DOCK5: variants seen among roughly 807,000 people sequenced by gnomAD.
DOCK5 encodes the protein dedicator of cytokinesis 5.
Under a neutral mutation model 251.8 loss-of-function variants are expected in DOCK5, and 142 were observed. That is an observed-to-expected ratio of 0.56 (90% CI 0.49 to 0.65). DOCK5 has a LOEUF of 0.65. DOCK5 is among the 30% of genes least tolerant of loss of function. The pLI is 0.00. For synonymous variants in DOCK5, 842 were observed against 835.5 expected (o/e 1.01, Z -0.13); for missense variants, 2,111 against 2,312.3 (o/e 0.91, Z 1.79).
chr8:25,357,534 T>C (rs987447055), intron 27 of DOCK5, among the ~76,000 whole-genome samples: 21 of 151,802 alleles, frequency 1.4e-4, no homozygotes, highest in African/African-American at 4.8e-4. Flanking sequence ...CCCACCACCA[T>C]GCCTGGCTAA....
intron 45 of DOCK5, chr8:25,395,938 GA>G (rs199610105): frequency 6.1e-6 from 4 of 651,722 alleles, no homozygotes; most frequent in African/African-American, 3.7e-5. Context: ...AAGCGTCACA[GA>G]AAAAAAACCA....
rs985918027 is a variant in DOCK5, at chr8:25,410,174, A to G, written c.5480A>G (p.Tyr1827Cys). The G allele has an allele frequency of 5.0e-6, 8 of 1,613,570 alleles. No homozygotes were observed. The highest frequency in any genetic ancestry group is 3.3e-4 in the Middle Eastern group (2 of 6,062). ...PPPPPPKSKPYEGSQRNSTEL... is the reference protein window; with the variant it reads ...PPPPPPKSKPCEGSQRNSTEL... ...CCACCTCCCCCCAAAAGCAAGCCCT[A>G]TGAAGGCAGCCAGAGGAACTCCACT... is the stretch of plus-strand genomic sequence containing the variant. The change falls in exon 51 of 52, where the codon TAT becomes TGT. Residue 1827 changes from tyrosine to cysteine, a missense_variant. This residue lies in a region of DOCK5 where 1,717 missense variants were observed against 1,892.4 expected (regional missense o/e 0.91). Transcript: ENST00000276440.
At chr8:25,408,486 TCCTTCC>T (rs1404593651) in intron 49 of DOCK5, among the ~76,000 whole-genome samples, 5 of 152,194 alleles carry the variant, frequency 3.3e-5, no homozygotes, top group Admixed American at 6.5e-5. Flanking sequence ...AAGGTACTTT[TCCTTCC>T]ATATCAAGTT....
chr8:25,352,054 TA>T (rs1800479087), intron 27 of DOCK5, among the ~76,000 whole-genome samples: 1 of 151,434 alleles, frequency 6.6e-6, no homozygotes. Flanking sequence ...ACAAAAAATT[TA>T]AAAAATTAGC....
chr8:25,366,041 G>C (rs1433368282), intron 30 of DOCK5, among the ~76,000 whole-genome samples: 1 of 152,048 alleles, frequency 6.6e-6, no homozygotes, highest in Non-Finnish European at 1.5e-5. Context: ...CAATAATGTT[G>C]AATATTTTCC....
chr8:25,233,504 G>A (rs7822113), intron 1 of DOCK5, among the ~76,000 whole-genome samples: 14,814 of 152,178 alleles, frequency 0.097, 2,001 homozygotes, highest in African/African-American at 0.31. Context: ...CCAAAGACAT[G>A]ACCAATAGTT....
Position 25,392,791 on chromosome 8 carries a change from A to T in DOCK5, c.4441-5A>T. 6.2e-7 allele frequency: 1 copy of T among 1,611,682 alleles called. No individual in the cohort carries two copies. Among genetic ancestry groups the T allele is most frequent in the Non-Finnish European group, 8.5e-7 (1 of 1,178,760 alleles). The stretch of plus-strand genomic sequence containing the variant: ...AACATTTCATGTTTTCCTTCTTGCC[A>T]CCAGACGATGTGGATTGAACGGACC... On this transcript the variant is annotated splice_region_variant and splice_polypyrimidine_tract_variant and intron_variant, in intron 43 of 51. Transcript: ENST00000276440.
rs1034039562 is a variant in DOCK5 at position 25,215,283 on chromosome 8, T to G, written c.44-28391T>G. Among the ~76,000 whole-genome samples, 11 of 152,174 alleles carry G rather than the reference T, an allele frequency of 7.2e-5. 2 individuals carry two copies. Among genetic ancestry groups the G allele is most frequent in the Middle Eastern group, 3.4e-3 (1 of 294 alleles). ...TAGGGTGACACTGCCATCAACATAT[T>G]CCATGGGAACAGAGGGCCTTTGGAC... On this transcript the variant is annotated intron_variant, in intron 1 of 51. Transcript: ENST00000276440.
At chr8:25,331,793 TATATATATAGAGAGAG>T (rs1385430803) in intron 18 of DOCK5, among the ~76,000 whole-genome samples, 1 of 36,100 alleles carries the variant, frequency 2.8e-5, no homozygotes, top group African/African-American at 6.5e-5. Flanking sequence ...TATATATATA[TATATATATAGAGAGAG>T]AGAGAGAGAG....
chr8:25,369,222 A>G (rs1227574840), intron 33 of DOCK5, among the ~76,000 whole-genome samples: 1 of 152,244 alleles, frequency 6.6e-6, no homozygotes, highest in African/African-American at 2.4e-5. Context: ...TGCAAAAGCA[A>G]TCTCACTGCA....
chr8:25,389,109 C>T lies in DOCK5; in HGVS notation c.4150C>T (p.Arg1384Trp), dbSNP rs139768026. ...CCTGCAGAATAAAATCTTCATCTAT[C>T]GGGGAAAGGAGTATGAGAGGCGAGA... ...SFLRNKIFIY[R>W]GKEYERREDF... Residue 1384 changes from arginine to tryptophan, a missense_variant, in exon 41 of 52, where the codon CGG (arginine) becomes TGG (tryptophan). Transcript: ENST00000276440. 1.1e-5 allele frequency: 17 copies of T among 1,613,716 alleles called. 1 individual carries two copies. The highest frequency in any genetic ancestry group is 2.2e-5 in the South Asian group (2 of 91,072).
chr8:25,201,202 C>T (rs1052590557), intron 1 of DOCK5, among the ~76,000 whole-genome samples: 1 of 152,164 alleles, frequency 6.6e-6, no homozygotes, highest in Non-Finnish European at 1.5e-5. Context: ...CCACTGTGGC[C>T]GGCCTAAATG....
At chr8:25,185,137 G>T (rs1346841567) in intron 1 of DOCK5, among the ~76,000 whole-genome samples, 186 bp downstream of exon 1, 1 of 152,144 alleles carries the variant, frequency 6.6e-6, no homozygotes, top group East Asian at 1.9e-4. Context: ...AGTCGCCCAG[G>T]GTTTGGGGAC....
rs149062871 is a variant in DOCK5, at chr8:25,230,848, C to T, written c.44-12826C>T. Reference sequence around the variant, plus strand: ...CCTGGGTGATGATGTGAGACTCCATCTCAAAAATAAATAAATAAATAAATA... The same window carrying T: ...CCTGGGTGATGATGTGAGACTCCATTTCAAAAATAAATAAATAAATAAATA... On this transcript the variant is annotated intron_variant, in intron 1 of 51. Transcript: ENST00000276440. 5.0e-3 allele frequency among the ~76,000 whole-genome samples: 762 copies of T among 152,086 alleles called. 9 individuals carry two copies. The highest frequency in any genetic ancestry group is 0.017 in the African/African-American group (723 of 41,454).
At chr8:25,219,058 A>G (rs1023364906) in intron 1 of DOCK5, among the ~76,000 whole-genome samples, 3 of 152,026 alleles carry the variant, frequency 2.0e-5, no homozygotes, top group Admixed American at 6.6e-5. Flanking sequence ...CTTGTGATTC[A>G]TCGGTTTTAG....
rs1801285010 is a variant in DOCK5, at chr8:25,392,874, A to G, written c.4519A>G (p.Ile1507Val). Reference protein sequence around the residue: ...GILKWFEVKQISTEEISPLEN... With the variant: ...GILKWFEVKQVSTEEISPLEN... ...TCTCAAGTGGTTTGAAGTCAAACAGATTTCAACAGTGAGTCATTTGAAATT... is the reference window on the plus strand; with the variant it reads ...TCTCAAGTGGTTTGAAGTCAAACAGGTTTCAACAGTGAGTCATTTGAAATT... Residue 1507 changes from isoleucine (I) to valine (V), a missense_variant, in exon 44 of 52, where the codon ATT becomes GTT. Coordinates refer to ENST00000276440, the MANE Select transcript of DOCK5 (RefSeq NM_024940.8). The G allele has an allele frequency of 6.2e-7, 1 of 1,610,800 alleles. No individual in the cohort carries two copies. The highest frequency in any genetic ancestry group is 1.3e-5 in the African/African-American group (1 of 74,890).
intron 39 of DOCK5, among the ~76,000 whole-genome samples, chr8:25,381,887 A>C (rs2117303280): frequency 6.6e-6 from 1 of 152,280 alleles, no homozygotes; most frequent in African/African-American, 2.4e-5. Context: ...ATTAAAGATA[A>C]AGATGGTAGC....
chr8:25,248,314 A>G (rs1433183239), intron 2 of DOCK5, among the ~76,000 whole-genome samples: 1 of 152,178 alleles, frequency 6.6e-6, no homozygotes, highest in Non-Finnish European at 1.5e-5. Flanking sequence ...TGCTTTGCAA[A>G]CATGAAACGC....
At chr8:25,256,794 G>A (rs1362906170) in intron 2 of DOCK5, among the ~76,000 whole-genome samples, 1 of 151,778 alleles carries the variant, frequency 6.6e-6, no homozygotes, top group African/African-American at 2.4e-5. Flanking sequence ...GCCCCATTTG[G>A]TCTCTGCCAA....
Sources: allele counts gnomAD v4.1 joint callset (sites outside exome capture counted in the v4.1 genomes callset), GRCh38; gene constraint gnomAD v4.1.1; regional missense constraint gnomAD v4.1.1; transcripts MANE v1.5; gene names NCBI Gene and HGNC (gene_info 2026-07-23, HGNC 2026-07-21).